CMAS: variants seen among roughly 807,000 people sequenced by gnomAD.
CMAS encodes N-acylneuraminate cytidylyltransferase.
In CMAS, 21 loss-of-function variants were observed where a neutral mutation model predicts 53.4. The observed-to-expected ratio is 0.39, with a 90% CI of 0.28 to 0.57. CMAS has a LOEUF of 0.57. CMAS is among the 20% of genes least tolerant of loss of function. CMAS has a pLI of 0.56. For missense variants in CMAS, 384 were observed against 534.9 expected, an observed-to-expected ratio of 0.72 and a Z score of 2.78; for synonymous variants, 189 against 195.2, an observed-to-expected ratio of 0.97 and a Z score of 0.27.
Position 22,046,646 on chromosome 12 carries a change from G to T in CMAS, c.260+83G>T, listed in dbSNP as rs1354756690. The T allele has an allele frequency of 7.4e-6, 10 of 1,359,926 alleles. No homozygotes were observed. The African/African-American group carries it at 1.2e-4, about 17-fold the overall frequency. The allele number at this position is 1,359,926 out of a possible 1,614,324, so 84.2% of individuals were successfully genotyped here. On this transcript the variant is annotated intron_variant, in intron 1 of 7. Transcript: ENST00000229329. ...GGCTGCTGGAGGGGCTGGGGCCTCCGGGGCCACCGCTCTTGGAAGGGGGCC... is the reference window on the plus strand; with the variant it reads ...GGCTGCTGGAGGGGCTGGGGCCTCCTGGGCCACCGCTCTTGGAAGGGGGCC...
At position 22,061,412 on chromosome 12, in the gene CMAS, A is replaced by T; in HGVS notation, c.920A>T (p.Asp307Val). The T allele has an allele frequency of 6.2e-7, 1 of 1,604,144 alleles. No homozygotes were observed. The highest frequency in any genetic ancestry group is 8.5e-7 in the Non-Finnish European group (1 of 1,173,096). Reference protein sequence around the residue: ...QKEIISYDVKDAIGISLLKKS... With the variant: ...QKEIISYDVKVAIGISLLKKS... ...GAAATAATATCTTATGATGTAAAAG[A>T]TGCTATTGGGATAAGTTTATTAAAG... is the stretch of plus-strand genomic sequence containing the variant. The change falls in exon 6 of 8, where the codon GAT becomes GTT. Residue 307 changes from aspartate to valine, a missense_variant. Asp to Val is a radical substitution (Grantham distance 152, BLOSUM62 -3). This residue lies in a region of CMAS where 134 missense variants were observed against 154.6 expected (regional missense o/e 0.87). Coordinates refer to ENST00000229329, the MANE Select transcript of CMAS (RefSeq NM_018686.6).
intron 1 of CMAS, 111 bp downstream of exon 1, chr12:22,046,674 C>T (rs1950208858): frequency 1.6e-6 from 2 of 1,258,160 alleles, no homozygotes; most frequent in Non-Finnish European, 2.1e-6. Context: ...AGGGGGCCAT[C>T]TCTCATGCCA....
intron 1 of CMAS, among the ~76,000 whole-genome samples, chr12:22,048,162 T>A (rs555449119): frequency 6.6e-6 from 1 of 152,338 alleles, no homozygotes; most frequent in East Asian, 1.9e-4. Context: ...CCACGTGTAG[T>A]AGCAGTAGAG....
At chr12:22,055,061 T>G in intron 1 of CMAS, 88 bp from the exon 2 acceptor site, 2 of 909,990 alleles carry the variant, frequency 2.2e-6, no homozygotes, top group East Asian at 2.6e-5. Flanking sequence ...TCACATTATA[T>G]AAGCTGTATT....
At chr12:22,058,492 T>C in intron 3 of CMAS, 75 bp from the exon 4 acceptor site, 1 of 1,322,790 alleles carries the variant, frequency 7.6e-7, no homozygotes, top group Non-Finnish European at 1.0e-6. Flanking sequence ...TCATTTTTAT[T>C]AACTTTTTTA....
At chr12:22,062,754 G>A (rs1950317235) in intron 7 of CMAS, among the ~76,000 whole-genome samples, 1 of 152,138 alleles carries the variant, frequency 6.6e-6, no homozygotes, top group African/African-American at 2.4e-5. Flanking sequence ...TTACCGTAGG[G>A]CTCTGGAAGG....
intron 3 of CMAS, among the ~76,000 whole-genome samples, chr12:22,058,316 T>C (rs1404596282): frequency 6.6e-6 from 1 of 151,072 alleles, no homozygotes; most frequent in African/African-American, 2.4e-5. Flanking sequence ...TCCCAGCTAC[T>C]TGGGAGGCTG....
chr12:22,057,918 C>A (rs554286745), intron 3 of CMAS, among the ~76,000 whole-genome samples: 30 of 151,558 alleles, frequency 2.0e-4, no homozygotes, highest in South Asian at 6.3e-4. Flanking sequence ...ATCTCCCCCC[C>A]CCGGGTTCAA....
chr12:22,048,383 A>C (rs1430513183), intron 1 of CMAS, among the ~76,000 whole-genome samples: 3 of 152,198 alleles, frequency 2.0e-5, no homozygotes, highest in Admixed American at 2.0e-4. Context: ...TGAGAACTGC[A>C]GAACTCTCAG....
At chr12:22,054,410 A>G (rs1181368333) in intron 1 of CMAS, among the ~76,000 whole-genome samples, 1 of 152,154 alleles carries the variant, frequency 6.6e-6, no homozygotes, top group African/African-American at 2.4e-5. Context: ...GTATTAAGTT[A>G]AATTCTTTTG....
chr12:22,053,381 G>A (rs1028700001), intron 1 of CMAS, among the ~76,000 whole-genome samples: 1 of 149,194 alleles, frequency 6.7e-6, no homozygotes, highest in African/African-American at 2.5e-5. Flanking sequence ...GTGTGTATAT[G>A]TATACATATA....
chr12:22,053,050 T>C (rs1267967882), intron 1 of CMAS, among the ~76,000 whole-genome samples: 1 of 151,996 alleles, frequency 6.6e-6, no homozygotes, highest in Non-Finnish European at 1.5e-5. Flanking sequence ...TCCTAGCATT[T>C]TGGGAGGCTG....
intron 1 of CMAS, among the ~76,000 whole-genome samples, chr12:22,051,546 C>T (rs1464546065): frequency 6.6e-6 from 1 of 152,202 alleles, no homozygotes; most frequent in Non-Finnish European, 1.5e-5. Context: ...CTTTGACATT[C>T]ACTCTGCTTG....
At chr12:22,057,858 C>G (rs1950278149) in intron 3 of CMAS, among the ~76,000 whole-genome samples, 1 of 148,722 alleles carries the variant, frequency 6.7e-6, no homozygotes, top group South Asian at 2.1e-4. Context: ...GAGTCTCACT[C>G]TGTTGCCCAG....
chr12:22,050,281 T>C (rs904281096), intron 1 of CMAS, among the ~76,000 whole-genome samples: 1 of 152,238 alleles, frequency 6.6e-6, no homozygotes, highest in African/African-American at 2.4e-5. Flanking sequence ...GTAAATCGCT[T>C]AACCTCTCTG....
chr12:22,064,880 T>C (rs766602872), intron 7 of CMAS, among the ~76,000 whole-genome samples: 7 of 152,216 alleles, frequency 4.6e-5, no homozygotes, highest in Non-Finnish European at 8.8e-5. Context: ...CAGGTAGCAA[T>C]TATGCTCCAT....
intron 3 of CMAS, among the ~76,000 whole-genome samples, chr12:22,056,336 T>C (rs1950268331): frequency 6.6e-6 from 1 of 152,232 alleles, no homozygotes; most frequent in African/African-American, 2.4e-5. Flanking sequence ...CACCTATTTC[T>C]GCCTCTTCAT....
Position 22,055,364 on chromosome 12 carries a change from GT to G in CMAS, c.403+77del, listed in dbSNP as rs2138182583. ...CTTCCTTTATTATCTTATAAGACTT[GT>G]TTTAACATTTGAATTCCAAACCTTA... On this transcript the variant is annotated intron_variant, in intron 2 of 7. Coordinates refer to ENST00000229329, the MANE Select transcript of CMAS (RefSeq NM_018686.6). The G allele has an allele frequency of 1.0e-5, 15 of 1,477,156 alleles. No individual in the cohort carries two copies. In the South Asian group the frequency reaches 1.8e-4, roughly 18 times the overall value. The allele number at this position is 1,477,156 out of a possible 1,614,324, so 91.5% of individuals were successfully genotyped here.
rs1476371450 is a variant in CMAS, at chr12:22,064,430, A to T, written c.1115-691A>T. Among the ~76,000 whole-genome samples the T allele has an allele frequency of 3.7e-4, 56 of 152,264 alleles. 1 individual carries two copies. Among genetic ancestry groups the T allele is most frequent in the African/African-American group, 1.3e-3 (55 of 41,572 alleles). On this transcript the variant is annotated intron_variant, in intron 7 of 7. Coordinates refer to ENST00000229329, the MANE Select transcript of CMAS (RefSeq NM_018686.6). ...CATTACAGATTAAAAGAGATTTAAG[A>T]GATTATATATATATAAACAAAAGAC...
Sources: gnomAD v4.1 joint callset for allele counts (sites outside exome capture counted in the v4.1 genomes callset) on GRCh38, gnomAD v4.1.1 for gene constraint, gnomAD v4.1.1 regional missense constraint, MANE v1.5 for transcripts, NCBI Gene and HGNC (gene_info 2026-07-23, HGNC 2026-07-21) for gene names.